PHAX: variants seen among roughly 807,000 people sequenced by gnomAD.
PHAX encodes the protein phosphorylated adapter RNA export protein.
Under a neutral mutation model 41.6 loss-of-function variants are expected in PHAX, and 31 were observed. That is an observed-to-expected ratio of 0.75 (90% confidence interval 0.56 to 1.01). The LOEUF (loss-of-function observed/expected upper bound fraction) is 1.01, where lower values mean the gene tolerates loss of function less well. Among genes scored for constraint, PHAX ranks in the 50% least tolerant of loss-of-function variants. The pLI is 0.00. For missense variants in PHAX, 453 were observed against 472.9 expected, an observed-to-expected ratio of 0.96 and a Z score of 0.39; for synonymous variants, 175 against 164.9, an observed-to-expected ratio of 1.06 and a Z score of -0.47.
rs1470805391 is a variant in PHAX at position 126,603,831 on chromosome 5, G to A, written c.358G>A (p.Ala120Thr). ...AAAGAAGATTAACAACATATGGGGT[G>A]CTGTGCTGCAGGAACAGAATCAAGA... Reference protein sequence around the residue: ...GGKKINNIWGAVLQEQNQDAV... With the variant: ...GGKKINNIWGTVLQEQNQDAV... The change falls in exon 2 of 5, where the codon GCT (alanine) becomes ACT (threonine). Residue 120 changes from alanine (A) to threonine (T), a missense_variant. Ala to Thr is a moderately conservative substitution (Grantham distance 58, BLOSUM62 0). Coordinates refer to ENST00000297540, the MANE Select transcript of PHAX (RefSeq NM_032177.4). The A allele has an allele frequency of 6.2e-7, 1 of 1,614,000 alleles. No individual in the cohort carries two copies. The highest frequency in any genetic ancestry group is 1.7e-5 in the Admixed American group (1 of 59,980).
chr5:126,611,579 A>T (rs542540296), intron 3 of PHAX, among the ~76,000 whole-genome samples: 3 of 152,100 alleles, frequency 2.0e-5, no homozygotes, highest in Non-Finnish European at 2.9e-5. Context: ...TGAGTACAGG[A>T]GTTCGAGACC....
intron 2 of PHAX, among the ~76,000 whole-genome samples, chr5:126,607,112 T>TA (rs1373415549): frequency 6.6e-6 from 1 of 152,216 alleles, no homozygotes; most frequent in Non-Finnish European, 1.5e-5. Context: ...TGAAAACAGA[T>TA]ACGGTTCAAG....
chr5:126,622,848 G>A (rs983932819), intron 4 of PHAX, among the ~76,000 whole-genome samples: 1 of 152,012 alleles, frequency 6.6e-6, no homozygotes, highest in Admixed American at 6.6e-5. Flanking sequence ...ACATTGGGCC[G>A]GGCGCGGTGG....
intron 4 of PHAX, among the ~76,000 whole-genome samples, chr5:126,624,008 G>GTTTTTTTTT (rs543154844): frequency 4.6e-5 from 6 of 130,218 alleles, no homozygotes; most frequent in African/African-American, 1.7e-4. Flanking sequence ...TTGGTTTTGG[G>GTTTTTTTTT]TTTTTTTTTT....
chr5:126,626,125 A>G lies in PHAX; in HGVS notation c.*1281A>G, dbSNP rs963339353. 2.7e-5 allele frequency: 4 copies of G among 147,508 alleles called. No homozygotes were observed. The highest frequency in any genetic ancestry group is 1.0e-4 in the African/African-American group (4 of 38,352). The allele number at this position is 147,508 out of a possible 1,614,324, so 9.1% of individuals were successfully genotyped here. On this transcript the variant is annotated 3_prime_UTR_variant, in exon 5 of 5. Coordinates refer to ENST00000297540, the MANE Select transcript of PHAX (RefSeq NM_032177.4). ...CTGGGCCTAGTGGCGCACACCTGCA[A>G]TCCCAACACTTTGGGAGGCCAAGAG...
intron 4 of PHAX, 77 bp downstream of exon 4, chr5:126,617,410 A>G: frequency 1.3e-6 from 1 of 769,004 alleles, no homozygotes; most frequent in East Asian, 2.6e-5. Flanking sequence ...TTTTCTATGG[A>G]TATGCATTAC....
At chr5:126,606,462 G>A (rs1581416632) in intron 2 of PHAX, among the ~76,000 whole-genome samples, 1 of 152,250 alleles carries the variant, frequency 6.6e-6, no homozygotes, top group Non-Finnish European at 1.5e-5. Context: ...GATTAGAGGC[G>A]TAAGCCACTG....
chr5:126,616,035 C>G (rs1752178688), intron 3 of PHAX, among the ~76,000 whole-genome samples: 1 of 147,498 alleles, frequency 6.8e-6, no homozygotes, highest in Admixed American at 6.9e-5. Flanking sequence ...TACCCAGTAG[C>G]TCAACCACCA....
In PHAX at chr5:126,626,412, G is replaced by A. The variant is rs1019645623; in HGVS notation, c.*1568G>A. 6.6e-6 allele frequency: 1 copy of A among 151,792 alleles called. No individual in the cohort carries two copies. Among genetic ancestry groups the A allele is most frequent in the Non-Finnish European group, 1.5e-5 (1 of 67,984 alleles). 9.4% of individuals were successfully genotyped at this position (151,792 alleles called of 1,614,324 possible). A position where few individuals can be genotyped will look rare whatever the true frequency, so the allele number is the denominator to read the frequency against. ...AGTTCAAAACCAACCTGGTCTACAT[G>A]GTGAAACCCCATCTCAACTAAAAAT... On this transcript the variant is annotated 3_prime_UTR_variant, in exon 5 of 5. Transcript: ENST00000297540.
At chr5:126,616,104 A>AC (rs1388222288) in intron 3 of PHAX, among the ~76,000 whole-genome samples, 4 of 151,408 alleles carry the variant, frequency 2.6e-5, no homozygotes, top group Non-Finnish European at 5.9e-5. Flanking sequence ...TCAAAAAAAA[A>AC]AAAATGAAAT....
Position 126,617,340 on chromosome 5 carries a change from A to T in PHAX, c.915+7A>T. On this transcript the variant is annotated splice_region_variant and intron_variant, in intron 4 of 4. Transcript: ENST00000297540. ...CAGCGAGGAACAAATTAAGGTAATG[A>T]TAATGTCCTCACCTCTTAAGCGCCA... The T allele has an allele frequency of 6.4e-7, 1 of 1,557,778 alleles. No individual in the cohort carries two copies.
chr5:126,625,182 T>C lies in PHAX; in HGVS notation c.*338T>C. ...TTTCAGGTTTATCTTTGCAGTGAAT[T>C]ATGCTTTGCTTTAAAACATTCCGCT... On this transcript the variant is annotated 3_prime_UTR_variant, in exon 5 of 5. Transcript: ENST00000297540. 5.0e-6 allele frequency: 1 copy of C among 200,100 alleles called. No homozygotes were observed. The highest frequency in any genetic ancestry group is 1.0e-5 in the Non-Finnish European group (1 of 99,972). The allele number at this position is 200,100 out of a possible 1,614,324, so 12.4% of individuals were successfully genotyped here. A position where few individuals can be genotyped will look rare whatever the true frequency, so the allele number is the denominator to read the frequency against.
rs1443249000 is a variant in PHAX, at chr5:126,619,310, G to A, written c.915+1977G>A. Among the ~76,000 whole-genome samples, 5 of 152,034 alleles carry A rather than the reference G, an allele frequency of 3.3e-5. No individual in the cohort carries two copies. In the East Asian group the frequency reaches 7.7e-4, roughly 23 times the overall value. On this transcript the variant is annotated intron_variant, in intron 4 of 4. Coordinates refer to ENST00000297540, the MANE Select transcript of PHAX (RefSeq NM_032177.4). ...AAAGATGGTTAGGTCAGGCGTGGTGGCTCCTGTCTGTAATTCCAGCATTTT... is the reference window on the plus strand; with the variant it reads ...AAAGATGGTTAGGTCAGGCGTGGTGACTCCTGTCTGTAATTCCAGCATTTT...
At chr5:126,602,026 G>C (rs1416074982) in intron 1 of PHAX, among the ~76,000 whole-genome samples, 1 of 151,898 alleles carries the variant, frequency 6.6e-6, no homozygotes, top group Non-Finnish European at 1.5e-5. Flanking sequence ...GGTCAGGCTG[G>C]TCTCGAACTC....
rs188207832 is a variant in PHAX at position 126,618,879 on chromosome 5, G to A, written c.915+1546G>A. ...TCACCATGTTAACCAGGATGGTCTC[G>A]ATCTCCTGACCTCGTGATCTGCCTG... On this transcript the variant is annotated intron_variant, in intron 4 of 4. Transcript: ENST00000297540. Among the ~76,000 whole-genome samples, 918 of 151,910 alleles carry A rather than the reference G, an allele frequency of 6.0e-3. 10 individuals carry two copies. The highest frequency in any genetic ancestry group is 0.021 in the African/African-American group (866 of 41,450).
intron 2 of PHAX, among the ~76,000 whole-genome samples, chr5:126,607,772 C>A (rs1234236867): frequency 6.6e-6 from 1 of 152,176 alleles, no homozygotes; most frequent in African/African-American, 2.4e-5. Context: ...ATGTTTCTAA[C>A]CTCTCAGTGA....
intron 3 of PHAX, among the ~76,000 whole-genome samples, chr5:126,608,825 A>G (rs528436964): frequency 3.3e-5 from 5 of 151,620 alleles, no homozygotes; most frequent in African/African-American, 1.2e-4. Flanking sequence ...AATCGCAGCT[A>G]CTCAGGAGGC....
intron 4 of PHAX, among the ~76,000 whole-genome samples, chr5:126,617,550 C>T (rs1752205079): frequency 6.6e-6 from 1 of 151,932 alleles, no homozygotes; most frequent in Non-Finnish European, 1.5e-5. Flanking sequence ...ATGATCTCAG[C>T]TCACTGCAAC....
At chr5:126,613,302 T>C (rs1166987585) in intron 3 of PHAX, among the ~76,000 whole-genome samples, 1 of 152,108 alleles carries the variant, frequency 6.6e-6, no homozygotes, top group Non-Finnish European at 1.5e-5. Flanking sequence ...TGAGCAGAGA[T>C]TGTGCCACTG....
Sources: gnomAD v4.1 joint callset for allele counts (sites outside exome capture counted in the v4.1 genomes callset) on GRCh38, gnomAD v4.1.1 for gene constraint, MANE v1.5 for transcripts, NCBI Gene and HGNC (gene_info 2026-07-23, HGNC 2026-07-21) for gene names.